LRP1: variants seen among roughly 807,000 people sequenced by gnomAD.
LRP1 encodes prolow-density lipoprotein receptor-related protein 1.
In LRP1, 51 loss-of-function variants were observed where a neutral mutation model predicts 541.5. The observed-to-expected ratio is 0.09, with a 90% CI of 0.08 to 0.12. LRP1 has a LOEUF of 0.12. LRP1 is among the 10% of genes least tolerant of loss of function. The pLI, the probability that LRP1 is intolerant of heterozygous loss-of-function variation, is 1.00. For synonymous variants in LRP1, 2,219 were observed against 2,470.8 expected (o/e 0.90, Z 3.02); for missense variants, 3,878 against 6,376.2 (o/e 0.61, Z 13.34).
rs929976928 is a variant in LRP1 at position 57,179,119 on chromosome 12, C to A, written c.4738+98C>A. 24 of 1,496,308 alleles carry A rather than the reference C, an allele frequency of 1.6e-5. No individual in the cohort carries two copies. Among genetic ancestry groups the A allele is most frequent in the Non-Finnish European group, 2.1e-5 (23 of 1,114,084 alleles). 92.7% of individuals were successfully genotyped at this position (1,496,308 alleles called of 1,614,324 possible). On this transcript the variant is annotated intron_variant, in intron 28 of 88. Transcript: ENST00000243077. This position sits in a 1 kb window ranked among gnomAD's most constrained non-coding sequence, Gnocchi z 6.8. ...TTGTCAGCTAAGGCAGAGTCCCAGTCGGGAGGGTCCCGATAGGAGAGGCTC... is the reference window on the plus strand; with the variant it reads ...TTGTCAGCTAAGGCAGAGTCCCAGTAGGGAGGGTCCCGATAGGAGAGGCTC...
chr12:57,173,862 G>A lies in LRP1; in HGVS notation c.3429G>A (p.Leu1143=). Residue 1143 remains leucine (L), a synonymous_variant, in exon 22 of 89, where the codon CTG becomes CTA. Transcript: ENST00000243077. This position sits in a 1 kb window ranked among gnomAD's most constrained non-coding sequence, Gnocchi z 4.7. ...DNSDEENCES[L]ACRPPSHPCA... is the part of the protein sequence containing the mutation. Reference sequence around the variant, plus strand: ...CGGACGAGGAGAACTGCGAGTCCCTGGCCTGCAGGCCACCCTCGCACCCTT... The same window carrying A: ...CGGACGAGGAGAACTGCGAGTCCCTAGCCTGCAGGCCACCCTCGCACCCTT... 1 of 1,614,250 alleles carries A rather than the reference G, an allele frequency of 6.2e-7. No homozygotes were observed. The highest frequency in any genetic ancestry group is 8.5e-7 in the Non-Finnish European group (1 of 1,180,040).
intron 19 of LRP1, 145 bp from the exon 20 acceptor site, chr12:57,168,993 CTG>C: frequency 1.5e-6 from 1 of 671,774 alleles, no homozygotes; most frequent in Non-Finnish European, 2.6e-6. Flanking sequence ...TATGCAGTTT[CTG>C]TGTCTTTTCT....
chr12:57,185,723 A>C lies in LRP1; in HGVS notation c.6656A>C (p.Asn2219Thr), dbSNP rs2036256676. 6.2e-7 allele frequency: 1 copy of C among 1,614,118 alleles called. No individual in the cohort carries two copies. The highest frequency in any genetic ancestry group is 8.5e-7 in the Non-Finnish European group (1 of 1,180,012). The stretch of plus-strand genomic sequence containing the variant: ...AGTATCCACCTGTCGGATGAGCGCA[A>C]CCTCAATGCGCCCGTGCAGCCCTTC... ...LKSIHLSDER[N>T]LNAPVQPFED... is the part of the protein sequence containing the mutation. The change falls in exon 41 of 89, where the codon AAC (asparagine) becomes ACC (threonine). Residue 2219 changes from asparagine (N) to threonine (T), a missense_variant. This residue lies in a region of LRP1 where 1,100 missense variants were observed against 1,827.4 expected (regional missense o/e 0.60). Coordinates refer to ENST00000243077, the MANE Select transcript of LRP1 (RefSeq NM_002332.3). This position sits in a 1 kb window ranked among gnomAD's most constrained non-coding sequence, Gnocchi z 4.9.
rs1405722326 is a variant in LRP1 at position 57,138,537 on chromosome 12, G to T, written c.146G>T (p.Gly49Val). ...ATCTCAAAGGGCTGGCGGTGCGACG[G>T]TGAGAGGGACTGCCCAGACGGATCT... is the stretch of plus-strand genomic sequence containing the variant. Reference protein sequence around the residue: ...TCISKGWRCDGERDCPDGSDE... With the variant: ...TCISKGWRCDVERDCPDGSDE... Residue 49 changes from glycine to valine, a missense_variant, in exon 2 of 89, where the codon GGT becomes GTT. Transcript: ENST00000243077. 1 of 1,613,996 alleles carries T rather than the reference G, an allele frequency of 6.2e-7. No individual in the cohort carries two copies. The highest frequency in any genetic ancestry group is 8.5e-7 in the Non-Finnish European group (1 of 1,179,998).
intron 3 of LRP1, among the ~76,000 whole-genome samples, chr12:57,142,471 C>A (rs1486940626): frequency 6.6e-6 from 1 of 152,042 alleles, no homozygotes; most frequent in African/African-American, 2.4e-5. Context: ...AGATTTTTCT[C>A]CCTTTCTTTG....
At chr12:57,143,928 T>G in intron 4 of LRP1, 130 bp downstream of exon 4, 4 of 1,187,638 alleles carry the variant, frequency 3.4e-6, no homozygotes, top group South Asian at 1.9e-5. Context: ...AGAGAGGGGG[T>G]GCCACCACCC....
chr12:57,141,573 C>A, intron 3 of LRP1, 62 bp downstream of exon 3: 1 of 1,601,284 alleles, frequency 6.2e-7, no homozygotes, highest in Non-Finnish European at 8.5e-7. Context: ...GCCCACCTTC[C>A]GAGGACTGTC....
In LRP1 at chr12:57,206,019, G is replaced by T. The variant is rs1452829475; in HGVS notation, c.11590+342G>T. On this transcript the variant is annotated intron_variant, in intron 75 of 88. Coordinates refer to ENST00000243077, the MANE Select transcript of LRP1 (RefSeq NM_002332.3). This position sits in a 1 kb window ranked among gnomAD's most constrained non-coding sequence, Gnocchi z 4.7. Reference sequence around the variant, plus strand: ...CCCCACATGCTTTGATGCCCACCTTGCCTTCCACATGCCTGTACACAGACA... The same window carrying T: ...CCCCACATGCTTTGATGCCCACCTTTCCTTCCACATGCCTGTACACAGACA... 6.6e-6 allele frequency among the ~76,000 whole-genome samples: 1 copy of T among 152,124 alleles called. No homozygotes were observed. Among genetic ancestry groups the T allele is most frequent in the Non-Finnish European group, 1.5e-5 (1 of 68,020 alleles).
chr12:57,137,845 G>A (rs1345494019), intron 1 of LRP1, among the ~76,000 whole-genome samples: 4 of 150,904 alleles, frequency 2.7e-5, no homozygotes, highest in Admixed American at 2.6e-4. Flanking sequence ...TCTCTACCCT[G>A]CCCATTCCTG....
In LRP1 at chr12:57,183,943, G is replaced by A. The variant is rs201373554; in HGVS notation, c.5929+34G>A. ...TGGGCAGGTTTGTGGGGCTTGGGGT[G>A]TGGCAGAGGACTGGGGGACGAAGTG... On this transcript the variant is annotated intron_variant, in intron 36 of 88. Transcript: ENST00000243077. The surrounding 1 kb of genome is among the most constrained non-coding windows in gnomAD (Gnocchi z 6.1). 3.1e-6 allele frequency: 5 copies of A among 1,613,512 alleles called. No individual in the cohort carries two copies. Among genetic ancestry groups the A allele is most frequent in the Admixed American group, 1.7e-5 (1 of 60,012 alleles).
chr12:57,177,070 T>C lies in LRP1; in HGVS notation c.4021T>C (p.Tyr1341His). 1 of 1,614,148 alleles carries C rather than the reference T, an allele frequency of 6.2e-7. No homozygotes were observed. The highest frequency in any genetic ancestry group is 8.5e-7 in the Non-Finnish European group (1 of 1,180,022). ...ALTSFEVVIQ[Y>H]GLATPEGLAV... The stretch of plus-strand genomic sequence containing the variant: ...GACTAGTTTCGAGGTGGTGATTCAG[T>C]ATGGCCTGGCCACACCCGAGGGCCT... Residue 1341 changes from tyrosine to histidine, a missense_variant, in exon 25 of 89, where the codon TAT (tyrosine) becomes CAT (histidine). Tyr to His is a moderately conservative substitution (Grantham distance 83, BLOSUM62 2). Around this residue, in one of 13 missense-constraint regions of LRP1, gnomAD observed 320 missense variants for 547.9 expected, o/e 0.58. Transcript: ENST00000243077. The surrounding 1 kb of genome is among the most constrained non-coding windows in gnomAD (Gnocchi z 6.8).
intron 2 of LRP1, among the ~76,000 whole-genome samples, chr12:57,140,836 G>A (rs1161926265): frequency 1.3e-5 from 2 of 152,096 alleles, no homozygotes; most frequent in African/African-American, 2.4e-5. Flanking sequence ...GGGTTCAAGC[G>A]ATTCTCCTGC....
At chr12:57,160,410 C>A (rs896039197) in intron 12 of LRP1, among the ~76,000 whole-genome samples, 2 of 152,168 alleles carry the variant, frequency 1.3e-5, no homozygotes, top group African/African-American at 4.8e-5. Context: ...TGCCTCAGGG[C>A]TTTTGCTCTT....
intron 22 of LRP1, among the ~76,000 whole-genome samples, chr12:57,175,000 C>T (rs2036014930): frequency 6.6e-6 from 1 of 152,122 alleles, no homozygotes; most frequent in Non-Finnish European, 1.5e-5. Context: ...GTCAGGCTGG[C>T]AGTTTCCAGG....
intron 13 of LRP1, 146 bp downstream of exon 13, chr12:57,161,261 G>A: frequency 1.4e-6 from 1 of 711,812 alleles, no homozygotes; most frequent in East Asian, 2.7e-5. Flanking sequence ...ATTTTTCTGT[G>A]CATCTATAGA....
chr12:57,180,800 C>T lies in LRP1; in HGVS notation c.5520C>T (p.Ile1840=). Residue 1840 remains isoleucine (I), a synonymous_variant, in exon 33 of 89, where the codon ATC becomes ATT. Transcript: ENST00000243077. ...ACATGAAGGTCTATGACGAGAGCAT[C>T]CAGCTGGGTAGGTGCGAGGCCGGGC... ...VMHMKVYDES[I]QLDHKGTNPC... is the part of the protein sequence containing the mutation. 6.2e-7 allele frequency: 1 copy of T among 1,613,910 alleles called. No homozygotes were observed. The highest frequency in any genetic ancestry group is 1.1e-5 in the South Asian group (1 of 91,090).
rs1314928585 is a variant in LRP1 at position 57,201,859 on chromosome 12, A to G, written c.10548A>G (p.Gly3516=). 6.2e-7 allele frequency: 1 copy of G among 1,614,016 alleles called. No homozygotes were observed. The highest frequency in any genetic ancestry group is 8.5e-7 in the Non-Finnish European group (1 of 1,180,006). ...RCIPARWKCD[G]EDDCGDGSDE... is the part of the protein sequence containing the mutation. ...TCCCAGCGCGTTGGAAGTGTGACGG[A>G]GAGGATGACTGTGGGGATGGCTCGG... is the stretch of plus-strand genomic sequence containing the variant. The change falls in exon 67 of 89, where the codon GGA becomes GGG. Residue 3516 remains glycine, a synonymous_variant. Transcript: ENST00000243077. This position sits in a 1 kb window ranked among gnomAD's most constrained non-coding sequence, Gnocchi z 6.4.
At chr12:57,131,753 C>T (rs1482005476) in intron 1 of LRP1, among the ~76,000 whole-genome samples, 3 of 152,026 alleles carry the variant, frequency 2.0e-5, no homozygotes, top group Non-Finnish European at 4.4e-5. Context: ...CTTGTTCTCT[C>T]TCCTCTCTTC....
At chr12:57,186,852 A>G (rs563219868) in intron 41 of LRP1, among the ~76,000 whole-genome samples, 10 of 152,340 alleles carry the variant, frequency 6.6e-5, no homozygotes, top group Admixed American at 5.9e-4. Flanking sequence ...TTGGTTCTTT[A>G]ACCTGAGTTT....
Sources: allele counts gnomAD v4.1 joint callset (sites outside exome capture counted in the v4.1 genomes callset), GRCh38; gene constraint gnomAD v4.1.1; regional missense constraint gnomAD v4.1.1; non-coding constraint Gnocchi (gnomAD v3.1); transcripts MANE v1.5; gene names NCBI Gene and HGNC (gene_info 2026-07-23, HGNC 2026-07-21).